The following NPHS1 variants were observed in gnomAD, a reference collection of about 807,000 sequenced individuals.
The protein encoded by NPHS1 is nephrin.
In NPHS1, 107 loss-of-function variants were observed where a neutral mutation model predicts 139.7. That is an observed-to-expected ratio of 0.77 (90% confidence interval 0.66 to 0.90). The LOEUF is 0.90. Among genes scored for constraint, NPHS1 ranks in the 40% least tolerant of loss-of-function variants. The pLI is 0.00. For missense variants in NPHS1, 1,580 were observed against 1,654.2 expected, an observed-to-expected ratio of 0.96 and a Z score of 0.78; for synonymous variants, 707 against 706.6, an observed-to-expected ratio of 1.00 and a Z score of -0.01.
chr19:35,848,935 A>C (rs376005866), intron 8 of NPHS1, 41 bp downstream of exon 8: 172 of 1,611,130 alleles, frequency 1.1e-4, no homozygotes, highest in Non-Finnish European at 1.4e-4. Context: ...TGGTTCTCTG[A>C]GGCACAGACC....
chr19:35,831,015 C>A, intron 27 of NPHS1, 38 bp downstream of exon 27: 1 of 1,609,544 alleles, frequency 6.2e-7, no homozygotes, highest in Non-Finnish European at 8.5e-7. Flanking sequence ...GTCGGGGGTA[C>A]CTCTGAGTGA....
At position 35,825,494 on chromosome 19, in the gene NPHS1, G is replaced by A. The variant is rs564256430; in HGVS notation, c.*1020C>T. Among the ~76,000 whole-genome samples, 195 of 152,178 alleles carry A rather than the reference G, an allele frequency of 1.3e-3. 1 individual carries two copies. Among genetic ancestry groups the A allele is most frequent in the Non-Finnish European group, 2.3e-3 (156 of 68,006 alleles). ...CACCCGTGCAACCACCACCACAATCGTTATATAGAATATTTCCAACACCTC... is the reference window on the plus strand; with the variant it reads ...CACCCGTGCAACCACCACCACAATCATTATATAGAATATTTCCAACACCTC... On this transcript the variant is annotated 3_prime_UTR_variant, in exon 29 of 29. Coordinates refer to ENST00000378910, the MANE Select transcript of NPHS1 (RefSeq NM_004646.4).
chr19:35,841,593 C>G, intron 20 of NPHS1, 122 bp downstream of exon 20: 1 of 1,166,932 alleles, frequency 8.6e-7, no homozygotes, highest in Non-Finnish European at 1.3e-6. Flanking sequence ...GGCAAAAACT[C>G]CATCCTCACA....
In NPHS1 at chr19:35,851,435, GTC is replaced by G; in HGVS notation, c.274+20_274+21del. The G allele has an allele frequency of 6.2e-7, 1 of 1,612,980 alleles. No homozygotes were observed. Among genetic ancestry groups the G allele is most frequent in the Non-Finnish European group, 8.5e-7 (1 of 1,179,738 alleles). ...CCGCAGCTTCCGCTGGTGGCTGAGG[GTC>G]TCAGGCTCTGATCCCTTACCTCTAG... On this transcript the variant is annotated intron_variant, in intron 2 of 28. Transcript: ENST00000378910.
intron 4 of NPHS1, among the ~76,000 whole-genome samples, 183 bp from the exon 5 acceptor site, chr19:35,850,628 C>T (rs939742536): frequency 5.9e-5 from 9 of 152,208 alleles, no homozygotes; most frequent in African/African-American, 1.9e-4. Context: ...CCGCAGTCTT[C>T]AGTGCTGGGT....
chr19:35,831,918 A>G (rs1443152413), intron 23 of NPHS1, among the ~76,000 whole-genome samples, 156 bp from the exon 24 acceptor site: 1 of 152,126 alleles, frequency 6.6e-6, no homozygotes, highest in Non-Finnish European at 1.5e-5. Flanking sequence ...CTGCCCACCC[A>G]AGGGCAGGTG....
At position 35,843,363 on chromosome 19, in the gene NPHS1, AG is replaced by A. The variant is rs1403905915; in HGVS notation, c.2334+108del. On this transcript the variant is annotated intron_variant, in intron 17 of 28. Transcript: ENST00000378910. Reference sequence around the variant, plus strand: ...TGGGAGCATGCCCTGGCGAGTATATAGTTATAAGGGTCATACAGATGTATGT... The same window carrying A: ...TGGGAGCATGCCCTGGCGAGTATATATTATAAGGGTCATACAGATGTATGT... 3 of 1,333,898 alleles carry A rather than the reference AG, an allele frequency of 2.2e-6. No homozygotes were observed. In the African/African-American group the frequency reaches 4.4e-5, roughly 19 times the overall value. The allele number at this position is 1,333,898 out of a possible 1,614,324, so 82.6% of individuals were successfully genotyped here.
chr19:35,846,019 A>G lies in NPHS1; in HGVS notation c.1616T>C (p.Leu539Pro), dbSNP rs1449257978. The change falls in exon 12 of 29, where the codon CTG becomes CCG. Residue 539 changes from leucine to proline, a missense_variant. Leu to Pro is a moderately conservative substitution (Grantham distance 98, BLOSUM62 -3). Transcript: ENST00000378910. ...KAGQLSASTQ[L>P]AVQFPPTNVT... is the part of the protein sequence containing the mutation. ...GTGCGAGCCCTCACACTGCACCGCC[A>G]GCTGCGTGGACGCGCTGAGCTGTCC... is the stretch of plus-strand genomic sequence containing the variant. The G allele has an allele frequency of 6.9e-7, 1 of 1,453,286 alleles. No individual in the cohort carries two copies. Among genetic ancestry groups the G allele is most frequent in the Non-Finnish European group, 9.2e-7 (1 of 1,086,422 alleles). 90.0% of individuals were successfully genotyped at this position (1,453,286 alleles called of 1,614,324 possible).
intron 28 of NPHS1, among the ~76,000 whole-genome samples, chr19:35,828,114 T>C (rs1441320066): frequency 1.3e-5 from 2 of 152,074 alleles, no homozygotes; most frequent in Non-Finnish European, 2.9e-5. Flanking sequence ...ATGGTAGCCC[T>C]AACTGGGGAT....
Position 35,842,536 on chromosome 19 carries a change from C to T in NPHS1, c.2349G>A (p.Glu783=), listed in dbSNP as rs1599841864. 2.5e-6 allele frequency: 4 copies of T among 1,614,080 alleles called. No individual in the cohort carries two copies. The highest frequency in any genetic ancestry group is 1.3e-5 in the African/African-American group (1 of 75,006). Reference sequence around the variant, plus strand: ...TCTCCATGTCATCCAGGCTCTGGTCCTCCTCATCTTCTCCCTGGAGGCCCA... The same window carrying T: ...TCTCCATGTCATCCAGGCTCTGGTCTTCCTCATCTTCTCCCTGGAGGCCCA... ...FNWERLGEDE[E]DQSLDDMEKI... The change falls in exon 18 of 29, where the codon GAG becomes GAA. Residue 783 remains glutamate, a synonymous_variant. Transcript: ENST00000378910.
At position 35,839,483 on chromosome 19, in the gene NPHS1, G is replaced by T; in HGVS notation, c.2927+13C>A. On this transcript the variant is annotated intron_variant, in intron 21 of 28. Coordinates refer to ENST00000378910, the MANE Select transcript of NPHS1 (RefSeq NM_004646.4). The stretch of plus-strand genomic sequence containing the variant: ...AGCCCATTCCCTTCCCTCCTGCCTC[G>T]ACAAGGACCCACCTGATGCAGAACC... 6.2e-7 allele frequency: 1 copy of T among 1,613,578 alleles called. No individual in the cohort carries two copies. The highest frequency in any genetic ancestry group is 1.1e-5 in the South Asian group (1 of 91,070).
intron 20 of NPHS1, 24 bp from the exon 21 acceptor site, chr19:35,839,631 C>G (rs759404303): frequency 1.3e-6 from 2 of 1,566,968 alleles, no homozygotes; most frequent in Admixed American, 3.3e-5. Flanking sequence ...GATGGGAAAG[C>G]AGTCAGAGGA....
chr19:35,845,557 AAGCCAGGGCTGCGAGCGG>A lies in NPHS1; in HGVS notation c.1758-35_1758-18del. 6.2e-7 allele frequency: 1 copy of A among 1,611,334 alleles called. No homozygotes were observed. The highest frequency in any genetic ancestry group is 8.5e-7 in the Non-Finnish European group (1 of 1,178,770). On this transcript the variant is annotated intron_variant, in intron 13 of 28. Coordinates refer to ENST00000378910, the MANE Select transcript of NPHS1 (RefSeq NM_004646.4). The surrounding 1 kb of genome is among the most constrained non-coding windows in gnomAD (Gnocchi z 5.5). ...CCCTCCAGCCTGTGGAACCGGGGTCAAGCCAGGGCTGCGAGCGGAGCCAGAGGCTGGAGAGGCACTAGG... is the reference window on the plus strand; with the variant it reads ...CCCTCCAGCCTGTGGAACCGGGGTCAAGCCAGAGGCTGGAGAGGCACTAGG...
Position 35,848,625 on chromosome 19 carries a change from C to A in NPHS1, c.1170+12G>T. Reference sequence around the variant, plus strand: ...TCCATGCTCAGACCCAGGAGCCTGGCCCCCGCCTCACATCCATGACTGTCT... The same window carrying A: ...TCCATGCTCAGACCCAGGAGCCTGGACCCCGCCTCACATCCATGACTGTCT... On this transcript the variant is annotated intron_variant, in intron 9 of 28. Coordinates refer to ENST00000378910, the MANE Select transcript of NPHS1 (RefSeq NM_004646.4). 6.2e-7 allele frequency: 1 copy of A among 1,612,740 alleles called. No individual in the cohort carries two copies. The highest frequency in any genetic ancestry group is 8.5e-7 in the Non-Finnish European group (1 of 1,179,914).
rs1972804313 is a variant in NPHS1, at chr19:35,826,640, G to C, written c.3600C>G (p.Pro1200=). 1 of 1,613,982 alleles carries C rather than the reference G, an allele frequency of 6.2e-7. No individual in the cohort carries two copies. The highest frequency in any genetic ancestry group is 1.3e-5 in the African/African-American group (1 of 74,922). ...GPLYDEVQMG[P]WDLHWPEDTY... ...TGTCTTCAGGCCAGTGGAGGTCCCA[G>C]GGTCCCTGACAGGCAAAAAGTGGAG... Residue 1200 remains proline, a synonymous_variant, in exon 29 of 29, where the codon CCC becomes CCG. Transcript: ENST00000378910.
intron 23 of NPHS1, among the ~76,000 whole-genome samples, 161 bp downstream of exon 23, chr19:35,835,544 C>G (rs1179558806): frequency 6.6e-6 from 1 of 152,022 alleles, no homozygotes; most frequent in African/African-American, 2.4e-5. Context: ...TGATCACATG[C>G]CTTGGCCTCC....
At position 35,848,923 on chromosome 19, in the gene NPHS1, G is replaced by T. The variant is rs1973185763; in HGVS notation, c.1012+53C>A. On this transcript the variant is annotated intron_variant, in intron 8 of 28. Coordinates refer to ENST00000378910, the MANE Select transcript of NPHS1 (RefSeq NM_004646.4). ...TAGGCATAATTTGGGGGCACACACA[G>T]ATGGTTCTCTGAGGCACAGACCGAC... is the stretch of plus-strand genomic sequence containing the variant. The T allele has an allele frequency of 8.7e-6, 14 of 1,610,866 alleles. No individual in the cohort carries two copies. The South Asian group carries it at 1.4e-4, about 16-fold the overall frequency.
chr19:35,849,723 T>G, intron 5 of NPHS1, 70 bp from the exon 6 acceptor site: 2 of 1,143,170 alleles, frequency 1.7e-6, no homozygotes. Flanking sequence ...GGAGAAGAGG[T>G]GGGGATGTCA....
intron 3 of NPHS1, 27 bp downstream of exon 3, chr19:35,851,235 T>C (rs1417177145): frequency 1.9e-6 from 3 of 1,613,610 alleles, no homozygotes; most frequent in Non-Finnish European, 2.5e-6. Flanking sequence ...CCCAGACTCA[T>C]GGGTCCTGGG....
Sources: gnomAD v4.1 joint callset for allele counts (sites outside exome capture counted in the v4.1 genomes callset) on GRCh38, gnomAD v4.1.1 for gene constraint, Gnocchi (gnomAD v3.1) non-coding constraint, MANE v1.5 for transcripts, NCBI Gene and HGNC (gene_info 2026-07-23, HGNC 2026-07-21) for gene names.